Variants in NBEA observed in about 807,000 individuals in gnomAD.
The protein encoded by NBEA is neurobeachin.
A neutral mutation model predicts 343.4 loss-of-function variants in NBEA; 44 were observed. The observed-to-expected ratio is 0.13, with a 90% CI of 0.10 to 0.16. The LOEUF (loss-of-function observed/expected upper bound fraction) is 0.16. NBEA is among the 10% of genes least tolerant of loss of function. NBEA has a pLI of 1.00. For synonymous variants in NBEA, 1,175 were observed against 1,238.7 expected (o/e 0.95, Z 1.08); for missense variants, 2,555 against 3,631.3 (o/e 0.70, Z 7.62).
chr13:35,263,324 C>T (rs1156247598), intron 34 of NBEA, among the ~76,000 whole-genome samples: 1 of 152,074 alleles, frequency 6.6e-6, no homozygotes, highest in African/African-American at 2.4e-5. Flanking sequence ...GACTGCAATC[C>T]AATAATTGTA....
intron 18 of NBEA, among the ~76,000 whole-genome samples, chr13:35,155,132 T>TA (rs753159286): frequency 0.45 from 27,754 of 61,716 alleles, 7,194 homozygotes; most frequent in Non-Finnish European, 0.52. Flanking sequence ...ATTCTGTCTC[T>TA]AAAAAAAAAA....
chr13:35,392,133 A>G (rs1429989958), intron 38 of NBEA, among the ~76,000 whole-genome samples: 1 of 152,136 alleles, frequency 6.6e-6, no homozygotes, highest in African/African-American at 2.4e-5. Context: ...TCATATTTGT[A>G]TTTTGTATGC....
At chr13:35,223,620 A>G (rs921886969) in intron 33 of NBEA, among the ~76,000 whole-genome samples, 3 of 152,110 alleles carry the variant, frequency 2.0e-5, no homozygotes, top group Non-Finnish European at 2.9e-5. Context: ...CTTATTTACT[A>G]AAATTCTAGT....
intron 41 of NBEA, among the ~76,000 whole-genome samples, chr13:35,490,357 C>T (rs981116438): frequency 6.6e-6 from 1 of 151,756 alleles, no homozygotes; most frequent in Non-Finnish European, 1.5e-5. Flanking sequence ...ATAACAAAAC[C>T]CTTAAGGGCA....
chr13:35,451,585 C>A (rs1355557057), intron 39 of NBEA, among the ~76,000 whole-genome samples: 1 of 152,198 alleles, frequency 6.6e-6, no homozygotes, highest in Admixed American at 6.5e-5. Context: ...TTTTTCCCCT[C>A]ACATGTGAAT....
In NBEA at chr13:35,357,217, T is replaced by G. The variant is rs1594335404; in HGVS notation, c.6179+4894T>G. Among the ~76,000 whole-genome samples the G allele has an allele frequency of 2.6e-5, 4 of 152,258 alleles. 1 individual carries two copies. The highest frequency in any genetic ancestry group is 9.6e-5 in the African/African-American group (4 of 41,572). On this transcript the variant is annotated intron_variant, in intron 38 of 58. Transcript: ENST00000379939. Reference sequence around the variant, plus strand: ...AGAATTTGAGCTTTATAATCAACATTAAGAGCTCAATTACTTACTAGCTGT... The same window carrying G: ...AGAATTTGAGCTTTATAATCAACATGAAGAGCTCAATTACTTACTAGCTGT...
chr13:35,365,735 T>G (rs2041066380), intron 38 of NBEA, among the ~76,000 whole-genome samples: 1 of 151,726 alleles, frequency 6.6e-6, no homozygotes, highest in Non-Finnish European at 1.5e-5. Flanking sequence ...GTTTGGAAAA[T>G]TATGTAAATA....
Position 35,110,803 on chromosome 13 carries a change from G to A in NBEA, c.1834-7G>A. ...CATTTTAATGATCTGTTAATATTCT[G>A]TATTAGGTTCAGCTTTCCCTATACA... On this transcript the variant is annotated splice_region_variant and splice_polypyrimidine_tract_variant and intron_variant, in intron 12 of 58. Coordinates refer to ENST00000379939, the MANE Select transcript of NBEA (RefSeq NM_001385012.1). 6.2e-7 allele frequency: 1 copy of A among 1,604,158 alleles called. No homozygotes were observed. Among genetic ancestry groups the A allele is most frequent in the South Asian group, 1.1e-5 (1 of 90,602 alleles).
chr13:35,628,328 T>A, intron 49 of NBEA, 80 bp downstream of exon 49: 1 of 1,125,482 alleles, frequency 8.9e-7, no homozygotes, highest in Middle Eastern at 2.2e-4. Flanking sequence ...TCTTTCTGTA[T>A]AATTTTGTTT....
intron 41 of NBEA, among the ~76,000 whole-genome samples, chr13:35,542,826 G>A (rs1243758756): frequency 1.3e-5 from 2 of 151,868 alleles, no homozygotes; most frequent in Admixed American, 1.3e-4. Flanking sequence ...AGTAGTGATT[G>A]ATTACTATTA....
At chr13:35,348,251 A>G (rs376883685) in intron 36 of NBEA, among the ~76,000 whole-genome samples, 3 of 152,178 alleles carry the variant, frequency 2.0e-5, no homozygotes, top group African/African-American at 4.8e-5. Context: ...ATACATTTCT[A>G]TGTGAGAAAA....
At chr13:35,248,212 AATACT>A (rs1231972274) in intron 34 of NBEA, among the ~76,000 whole-genome samples, 2 of 152,360 alleles carry the variant, frequency 1.3e-5, no homozygotes, top group Admixed American at 6.5e-5. Context: ...TCTTCAACAA[AATACT>A]ATAAACTGAA....
intron 1 of NBEA, among the ~76,000 whole-genome samples, chr13:35,037,956 T>A (rs1159331200): frequency 6.6e-6 from 1 of 152,178 alleles, no homozygotes; most frequent in Non-Finnish European, 1.5e-5. Flanking sequence ...TGGCCACTAG[T>A]GGGTCCAGAG....
intron 34 of NBEA, among the ~76,000 whole-genome samples, chr13:35,287,074 C>T (rs1353131943): frequency 6.6e-6 from 1 of 152,008 alleles, no homozygotes; most frequent in African/African-American, 2.4e-5. Flanking sequence ...GGTTTCCTTA[C>T]TGTTAGAATA....
chr13:35,119,838 C>G (rs187416616), intron 16 of NBEA, among the ~76,000 whole-genome samples: 149 of 152,298 alleles, frequency 9.8e-4, no homozygotes, highest in African/African-American at 3.4e-3. Flanking sequence ...ATCTGCCTGC[C>G]TTGGTCTCCC....
intron 40 of NBEA, among the ~76,000 whole-genome samples, chr13:35,459,725 G>C (rs2152951578): frequency 6.6e-6 from 1 of 152,194 alleles, no homozygotes; most frequent in East Asian, 1.9e-4. Flanking sequence ...CTAGATATGA[G>C]AATAAAACAA....
At chr13:35,358,704 C>A in intron 38 of NBEA, among the ~76,000 whole-genome samples, 1 of 147,630 alleles carries the variant, frequency 6.8e-6, no homozygotes. Context: ...GGCAACACAG[C>A]AAGACTCTGT....
chr13:35,587,474 G>A (rs2081340880), intron 46 of NBEA, among the ~76,000 whole-genome samples: 1 of 152,158 alleles, frequency 6.6e-6, no homozygotes, highest in Non-Finnish European at 1.5e-5. Context: ...CCACCACCAT[G>A]GAGGGAGCAG....
chr13:35,388,749 C>T (rs2042364959), intron 38 of NBEA, among the ~76,000 whole-genome samples: 2 of 152,290 alleles, frequency 1.3e-5, no homozygotes, highest in South Asian at 4.1e-4. Flanking sequence ...AGTGTGCTGT[C>T]ATAAATTTCC....
Sources: allele counts gnomAD v4.1 joint callset (sites outside exome capture counted in the v4.1 genomes callset), GRCh38; gene constraint gnomAD v4.1.1; transcripts MANE v1.5; gene names NCBI Gene and HGNC (gene_info 2026-07-23, HGNC 2026-07-21).